The following CACNA1B variants were observed in gnomAD, a reference collection of about 807,000 sequenced individuals.
CACNA1B encodes the protein voltage-dependent N-type calcium channel subunit alpha-1B.
CACNA1B carries 70 observed loss-of-function variants against 247.2 expected under a neutral mutation model. The ratio of observed to expected loss-of-function variants is 0.28; its 90% CI spans 0.23 to 0.35. The LOEUF (loss-of-function observed/expected upper bound fraction) is 0.35. CACNA1B is among the 10% of genes least tolerant of loss of function. The pLI, the probability that CACNA1B is intolerant of heterozygous loss-of-function variation, is 1.00. For synonymous variants in CACNA1B, 1,231 were observed against 1,294.4 expected, an observed-to-expected ratio of 0.95 and a Z score of 1.05; for missense variants, 2,367 against 3,197.4, an observed-to-expected ratio of 0.74 and a Z score of 6.26.
chr9:138,070,940 C>G (rs10114026), intron 32 of CACNA1B, among the ~76,000 whole-genome samples: 1 of 152,192 alleles, frequency 6.6e-6, no homozygotes, highest in African/African-American at 2.4e-5. Flanking sequence ...TGGCCCACAT[C>G]GGGGCCCACA....
intron 39 of CACNA1B, among the ~76,000 whole-genome samples, chr9:138,110,449 G>A (rs1021771006): frequency 6.6e-6 from 1 of 152,176 alleles, no homozygotes; most frequent in South Asian, 2.1e-4. Context: ...GCCAAGTGCA[G>A]TGGCTTGTAC....
chr9:137,968,526 G>T (rs984047293), intron 10 of CACNA1B, among the ~76,000 whole-genome samples: 1 of 152,264 alleles, frequency 6.6e-6, no homozygotes, highest in African/African-American at 2.4e-5. Context: ...GCCTCCATCA[G>T]CTCGTGCTTT....
intron 3 of CACNA1B, among the ~76,000 whole-genome samples, chr9:137,884,886 C>A (rs1956982879): frequency 7.0e-6 from 1 of 143,348 alleles, no homozygotes; most frequent in East Asian, 2.2e-4. Context: ...CCTTCTTCCC[C>A]CTCCCCCTCC....
intron 39 of CACNA1B, among the ~76,000 whole-genome samples, chr9:138,110,109 A>G (rs1215754756): frequency 1.4e-5 from 2 of 141,726 alleles, no homozygotes; most frequent in African/African-American, 5.1e-5. Flanking sequence ...TATGATATAT[A>G]TATATATACA....
chr9:138,048,458 G>T (rs955331416), intron 23 of CACNA1B, among the ~76,000 whole-genome samples: 5 of 152,174 alleles, frequency 3.3e-5, no homozygotes, highest in African/African-American at 9.7e-5. Flanking sequence ...ATCTCAGCCG[G>T]TCACAAGCCA....
At position 137,950,693 on chromosome 9, in the gene CACNA1B, C is replaced by T. The variant is rs372269292; in HGVS notation, c.967-1581C>T. On this transcript the variant is annotated intron_variant, in intron 6 of 46. Transcript: ENST00000371372. This position sits in a 1 kb window ranked among gnomAD's most constrained non-coding sequence, Gnocchi z 4.8. ...GTACTTTTTTTGGTCGTCTGTGCCCCTTGGGCATTTCCAAATTTTAGGCTT... is the reference window on the plus strand; with the variant it reads ...GTACTTTTTTTGGTCGTCTGTGCCCTTTGGGCATTTCCAAATTTTAGGCTT... Among the ~76,000 whole-genome samples the T allele has an allele frequency of 4.4e-4, 67 of 152,268 alleles. 1 individual carries two copies. Among genetic ancestry groups the T allele is most frequent in the Middle Eastern group, 6.8e-3 (2 of 294 alleles).
chr9:138,119,369 T>C (rs1030659897), intron 44 of CACNA1B, among the ~76,000 whole-genome samples: 1 of 152,020 alleles, frequency 6.6e-6, no homozygotes, highest in Non-Finnish European at 1.5e-5. Flanking sequence ...CCGAGGCCAA[T>C]CTGGGAACAC....
rs1483856493 is a variant in CACNA1B at position 137,954,211 on chromosome 9, C to T, written c.1071-1487C>T. ...AGGGGCTGGCACCCCCCATGTGGGT[C>T]CTGCACCCCGGGGTGGCAGTGGTGA... is the stretch of plus-strand genomic sequence containing the variant. On this transcript the variant is annotated intron_variant, in intron 7 of 46. Coordinates refer to ENST00000371372, the MANE Select transcript of CACNA1B (RefSeq NM_000718.4). The surrounding 1 kb of genome is among the most constrained non-coding windows in gnomAD (Gnocchi z 4.1). Among the ~76,000 whole-genome samples, 3 of 152,324 alleles carry T rather than the reference C, an allele frequency of 2.0e-5. No individual in the cohort carries two copies. In the East Asian group the frequency reaches 5.8e-4, roughly 29 times the overall value.
At chr9:137,934,510 G>T (rs907598687) in intron 6 of CACNA1B, among the ~76,000 whole-genome samples, 3 of 152,224 alleles carry the variant, frequency 2.0e-5, no homozygotes, top group African/African-American at 7.2e-5. Flanking sequence ...CAGAATGACT[G>T]CAGAAATAAA....
chr9:137,896,229 ACT>A (rs1252158784), intron 3 of CACNA1B, among the ~76,000 whole-genome samples: 1 of 134,628 alleles, frequency 7.4e-6, no homozygotes, highest in African/African-American at 2.8e-5. Context: ...ACAGAGCGAG[ACT>A]CTGTCTCAAA....
chr9:138,011,949 T>A lies in CACNA1B; in HGVS notation c.2161-1180T>A, dbSNP rs1286501624. Among the ~76,000 whole-genome samples, 1 of 152,104 alleles carries A rather than the reference T, an allele frequency of 6.6e-6. No homozygotes were observed. Among genetic ancestry groups the A allele is most frequent in the Non-Finnish European group, 1.5e-5 (1 of 68,012 alleles). ...GCAGTCCAGATGGACAACGTGGAAG[T>A]CGTAGCTTCCATTCTGAGGCCTGTG... is the stretch of plus-strand genomic sequence containing the variant. On this transcript the variant is annotated intron_variant, in intron 17 of 46. Transcript: ENST00000371372. The surrounding 1 kb of genome is among the most constrained non-coding windows in gnomAD (Gnocchi z 4.2).
chr9:138,002,597 C>T (rs952125095), intron 15 of CACNA1B, among the ~76,000 whole-genome samples: 2 of 150,184 alleles, frequency 1.3e-5, no homozygotes, highest in Non-Finnish European at 3.0e-5. Context: ...GTCCCAGCTA[C>T]GTGGGAGACT....
In CACNA1B at chr9:137,882,472, G is replaced by A. The variant is rs773664050; in HGVS notation, c.391-272G>A. ...TGGGCAGAAGCTGAGATGCCAGGGT[G>A]GGAGGCACGAGGGGCCTGCAGGCAT... On this transcript the variant is annotated intron_variant, in intron 2 of 46. Coordinates refer to ENST00000371372, the MANE Select transcript of CACNA1B (RefSeq NM_000718.4). This position sits in a 1 kb window ranked among gnomAD's most constrained non-coding sequence, Gnocchi z 4.0. 3.3e-5 allele frequency among the ~76,000 whole-genome samples: 5 copies of A among 152,230 alleles called. No individual in the cohort carries two copies. The highest frequency in any genetic ancestry group is 5.9e-5 in the Non-Finnish European group (4 of 68,046).
intron 6 of CACNA1B, among the ~76,000 whole-genome samples, chr9:137,924,166 TG>T (rs1255325167): frequency 6.6e-6 from 1 of 152,222 alleles, no homozygotes; most frequent in South Asian, 2.1e-4. Context: ...TGGTGTCAAC[TG>T]TAAGAACTCT....
At position 138,054,083 on chromosome 9, in the gene CACNA1B, G is replaced by A; in HGVS notation, c.3968+77G>A. 1.4e-6 allele frequency: 2 copies of A among 1,383,208 alleles called. No homozygotes were observed. The highest frequency in any genetic ancestry group is 1.2e-5 in the South Asian group (1 of 83,740). The allele number at this position is 1,383,208 out of a possible 1,614,324, so 85.7% of individuals were successfully genotyped here. A position where few individuals can be genotyped will look rare whatever the true frequency, so the allele number is the denominator to read the frequency against. ...ACACTGGGAGTTCCCTTGGGACCAG[G>A]TGGAGCTGGTCACACGGCGTGGGAG... is the stretch of plus-strand genomic sequence containing the variant. On this transcript the variant is annotated intron_variant, in intron 26 of 46. Coordinates refer to ENST00000371372, the MANE Select transcript of CACNA1B (RefSeq NM_000718.4). This position sits in a 1 kb window ranked among gnomAD's most constrained non-coding sequence, Gnocchi z 4.6.
chr9:138,120,665 G>A lies in CACNA1B; in HGVS notation c.6273G>A (p.Pro2091=), dbSNP rs1224633408. The change falls in exon 46 of 47, where the codon CCG becomes CCA. Residue 2091 remains proline (P), a synonymous_variant. Coordinates refer to ENST00000371372, the MANE Select transcript of CACNA1B (RefSeq NM_000718.4). ...PSSAVGPGLP[P]GEGPTGCRRE... ...GTGCTGTGGGGCCGGGGCTGCCCCCGGGAGAGGGGCCTACAGGCTGCCGGC... is the reference window on the plus strand; with the variant it reads ...GTGCTGTGGGGCCGGGGCTGCCCCCAGGAGAGGGGCCTACAGGCTGCCGGC... 6 of 1,509,344 alleles carry A rather than the reference G, an allele frequency of 4.0e-6. No individual in the cohort carries two copies. Among genetic ancestry groups the A allele is most frequent in the Admixed American group, 2.6e-5 (1 of 38,130 alleles). 93.5% of individuals were successfully genotyped at this position (1,509,344 alleles called of 1,614,324 possible). A position where few individuals can be genotyped will look rare whatever the true frequency, so the allele number is the denominator to read the frequency against.
intron 3 of CACNA1B, among the ~76,000 whole-genome samples, chr9:137,894,202 T>C (rs1204874977): frequency 6.6e-6 from 1 of 152,134 alleles, no homozygotes; most frequent in Non-Finnish European, 1.5e-5. Context: ...TTTAAGAAAC[T>C]GCCAAACTCT....
At position 137,986,324 on chromosome 9, in the gene CACNA1B, G is replaced by A; in HGVS notation, c.1770-89G>A. The A allele has an allele frequency of 6.9e-7, 1 of 1,448,482 alleles. No individual in the cohort carries two copies. Among genetic ancestry groups the A allele is most frequent in the Non-Finnish European group, 9.5e-7 (1 of 1,056,252 alleles). The allele number at this position is 1,448,482 out of a possible 1,614,324, so 89.7% of individuals were successfully genotyped here. On this transcript the variant is annotated intron_variant, in intron 13 of 46. Transcript: ENST00000371372. The surrounding 1 kb of genome is among the most constrained non-coding windows in gnomAD (Gnocchi z 6.0). Reference sequence around the variant, plus strand: ...GTGTGCAGCCCTCAGGGTTTAGAAAGTCAGTGGAGCCTTAAGTGTGGCTGC... The same window carrying A: ...GTGTGCAGCCCTCAGGGTTTAGAAAATCAGTGGAGCCTTAAGTGTGGCTGC...
intron 18 of CACNA1B, among the ~76,000 whole-genome samples, chr9:138,016,940 T>C (rs1407519513): frequency 6.6e-6 from 1 of 152,226 alleles, no homozygotes; most frequent in Non-Finnish European, 1.5e-5. Context: ...CTTTTCTGCA[T>C]GTGTGGAATT....
Sources: gnomAD v4.1 joint callset for allele counts (sites outside exome capture counted in the v4.1 genomes callset) on GRCh38, gnomAD v4.1.1 for gene constraint, Gnocchi (gnomAD v3.1) non-coding constraint, MANE v1.5 for transcripts, NCBI Gene and HGNC (gene_info 2026-07-23, HGNC 2026-07-21) for gene names.